Variants in TMEM132B observed in about 807,000 individuals in gnomAD.
TMEM132B encodes the protein transmembrane protein 132B.
A neutral mutation model predicts 90.8 loss-of-function variants in TMEM132B; 18 were observed. The ratio of observed to expected loss-of-function variants is 0.20; its 90% CI spans 0.14 to 0.29. The LOEUF (loss-of-function observed/expected upper bound fraction) is 0.29. Among genes scored for constraint, TMEM132B ranks in the 10% least tolerant of loss-of-function variants. The pLI is 1.00. For missense variants in TMEM132B, 1,096 were observed against 1,326.8 expected (o/e 0.83, Z 2.70); for synonymous variants, 504 against 523.3 (o/e 0.96, Z 0.50).
chr12:125,296,649 G>A (rs1334486520), intron 1 of TMEM132B, among the ~76,000 whole-genome samples: 8 of 152,240 alleles, frequency 5.3e-5, no homozygotes, highest in South Asian at 2.1e-4. Flanking sequence ...CTTCTCTGCC[G>A]TATCTCAAAT....
intron 1 of TMEM132B, among the ~76,000 whole-genome samples, chr12:125,267,126 A>G (rs1224117563): frequency 2.6e-5 from 4 of 152,136 alleles, no homozygotes; most frequent in African/African-American, 9.7e-5. Flanking sequence ...TGGCTCAGAA[A>G]AGACCGTTTT....
intron 6 of TMEM132B, among the ~76,000 whole-genome samples, chr12:125,649,934 G>A (rs1054004872): frequency 3.3e-5 from 5 of 152,164 alleles, no homozygotes; most frequent in Non-Finnish European, 7.3e-5. Flanking sequence ...TGGGCAACAG[G>A]AGAGACACAT....
At chr12:125,485,705 T>C (rs772370869) in intron 3 of TMEM132B, among the ~76,000 whole-genome samples, 1 of 152,200 alleles carries the variant, frequency 6.6e-6, no homozygotes, top group African/African-American at 2.4e-5. Context: ...CAGTTCTGGG[T>C]ATATTCTCCG....
chr12:125,200,317 C>T (rs1241766882), intron 1 of TMEM132B, among the ~76,000 whole-genome samples: 2 of 152,218 alleles, frequency 1.3e-5, no homozygotes, highest in Non-Finnish European at 2.9e-5. Flanking sequence ...CATATTCTCT[C>T]AAGAGGTAAT....
chr12:125,331,028 G>A (rs1383277834), intron 1 of TMEM132B, among the ~76,000 whole-genome samples: 1 of 152,262 alleles, frequency 6.6e-6, no homozygotes, highest in African/African-American at 2.4e-5. Context: ...TCGGGGTTTC[G>A]TCTCTGGAAG....
At position 125,445,988 on chromosome 12, in the gene TMEM132B, CT is replaced by C. The variant is rs1169348655; in HGVS notation, c.1106+30312del. Among the ~76,000 whole-genome samples, 5 of 151,986 alleles carry C rather than the reference CT, an allele frequency of 3.3e-5. No individual in the cohort carries two copies. The highest frequency in any genetic ancestry group is 7.4e-5 in the Non-Finnish European group (5 of 67,980). On this transcript the variant is annotated intron_variant, in intron 3 of 8. Coordinates refer to ENST00000682704, the MANE Select transcript of TMEM132B (RefSeq NM_001366854.1). This position sits in a 1 kb window ranked among gnomAD's most constrained non-coding sequence, Gnocchi z 4.3. ...GTGGAATTCTCTGCTATCCTGGGGG[CT>C]GCAACCTCGCTTTCTCCAACAAAGT...
chr12:125,599,000 A>G (rs1002103520), intron 5 of TMEM132B, among the ~76,000 whole-genome samples: 1 of 152,188 alleles, frequency 6.6e-6, no homozygotes, highest in Non-Finnish European at 1.5e-5. Context: ...GATCACAGTC[A>G]TAATCAGCTT....
chr12:125,520,094 G>A (rs1490259112), intron 4 of TMEM132B, among the ~76,000 whole-genome samples: 3 of 152,144 alleles, frequency 2.0e-5, no homozygotes, highest in Admixed American at 2.0e-4. Flanking sequence ...ACCACTTTAA[G>A]CTGGGTAGAG....
rs61643412 is a variant in TMEM132B, at chr12:125,235,802, CTTTTTTTTT to C, written c.67+48948_67+48956del. Among the ~76,000 whole-genome samples, 109 of 107,400 alleles carry C rather than the reference CTTTTTTTTT, an allele frequency of 1.0e-3. No individual in the cohort carries two copies. In the East Asian group the frequency reaches 0.018, roughly 18 times the overall value. 70.5% of individuals were successfully genotyped at this position (107,400 alleles called of 152,430 possible). The stretch of plus-strand genomic sequence containing the variant: ...TGTAATGTTTATCAGCACTTCATTC[CTTTTTTTTT>C]TTTTTTTTTTTGGAGAGAGTCTTGC... On this transcript the variant is annotated intron_variant, in intron 1 of 8. Transcript: ENST00000682704.
At chr12:125,573,403 A>G (rs1884852499) in intron 4 of TMEM132B, among the ~76,000 whole-genome samples, 1 of 152,128 alleles carries the variant, frequency 6.6e-6, no homozygotes, top group Admixed American at 6.5e-5. Context: ...GGCTCTCATT[A>G]CCCAACACAT....
At chr12:125,386,862 G>C (rs905290497) in intron 2 of TMEM132B, among the ~76,000 whole-genome samples, 3 of 152,188 alleles carry the variant, frequency 2.0e-5, no homozygotes, top group African/African-American at 7.2e-5. Context: ...TGATGATCTG[G>C]CTAATGTTGC....
chr12:125,517,248 C>A (rs1883183148), intron 3 of TMEM132B, among the ~76,000 whole-genome samples: 1 of 150,938 alleles, frequency 6.6e-6, no homozygotes, highest in South Asian at 2.1e-4. Flanking sequence ...GCAAGCTCCA[C>A]CTCCTGGGTT....
At chr12:125,531,742 C>A (rs918345722) in intron 4 of TMEM132B, among the ~76,000 whole-genome samples, 4 of 152,174 alleles carry the variant, frequency 2.6e-5, no homozygotes, top group Admixed American at 2.6e-4. Context: ...TTGATCCTAC[C>A]CTCTCACAGC....
chr12:125,508,255 ATG>A (rs761185808), intron 3 of TMEM132B, among the ~76,000 whole-genome samples: 2 of 152,190 alleles, frequency 1.3e-5, no homozygotes, highest in Non-Finnish European at 2.9e-5. Context: ...CTCTAGGTGA[ATG>A]TGAGCACTCT....
rs1279073052 is a variant in TMEM132B, at chr12:125,658,155, A to C, written c.*3445A>C. 6.6e-6 allele frequency: 1 copy of C among 152,248 alleles called. No individual in the cohort carries two copies. The highest frequency in any genetic ancestry group is 2.4e-5 in the African/African-American group (1 of 41,478). The allele number at this position is 152,248 out of a possible 1,614,324, so 9.4% of individuals were successfully genotyped here. A position where few individuals can be genotyped will look rare whatever the true frequency, so the allele number is the denominator to read the frequency against. On this transcript the variant is annotated 3_prime_UTR_variant, in exon 9 of 9. Coordinates refer to ENST00000682704, the MANE Select transcript of TMEM132B (RefSeq NM_001366854.1). ...CCAGGATAAATTCCCAGACTATAAT[A>C]ATCCTGACTATGTAGACGGAAGTTT...
chr12:125,189,018 T>C (rs887184874), intron 1 of TMEM132B, among the ~76,000 whole-genome samples: 1 of 152,100 alleles, frequency 6.6e-6, no homozygotes, highest in Non-Finnish European at 1.5e-5. Flanking sequence ...TGGCTGAGGC[T>C]CTGGAAGAGG....
intron 3 of TMEM132B, among the ~76,000 whole-genome samples, chr12:125,470,784 CA>C (rs1479595287): frequency 2.0e-4 from 31 of 152,272 alleles, no homozygotes; most frequent in Middle Eastern, 3.4e-3. Context: ...GCTCATGGGT[CA>C]GAATAAGGAC....
At chr12:125,634,732 ATGGAAAG>A (rs1487696099) in intron 5 of TMEM132B, among the ~76,000 whole-genome samples, 5 of 152,162 alleles carry the variant, frequency 3.3e-5, no homozygotes, top group African/African-American at 1.2e-4. Flanking sequence ...GAGCTAGAGC[ATGGAAAG>A]GAGGCCTCAG....
chr12:125,260,922 TTGTGTG>T (rs60739492), intron 1 of TMEM132B, among the ~76,000 whole-genome samples: 29 of 148,252 alleles, frequency 2.0e-4, no homozygotes, highest in Admixed American at 1.5e-3. Flanking sequence ...TCTCTACAGA[TTGTGTG>T]TGTGTGTGTG....
Sources: allele counts gnomAD v4.1 joint callset (sites outside exome capture counted in the v4.1 genomes callset), GRCh38; gene constraint gnomAD v4.1.1; non-coding constraint Gnocchi (gnomAD v3.1); transcripts MANE v1.5; gene names NCBI Gene and HGNC (gene_info 2026-07-23, HGNC 2026-07-21).